The following CHD6 variants were observed in gnomAD, a reference collection of about 807,000 sequenced individuals.
CHD6 encodes chromodomain helicase DNA binding protein 6, also known as ATP-dependent chromatin remodeler CHD6.
A neutral mutation model predicts 276.9 loss-of-function variants in CHD6; 50 were observed. That is an observed-to-expected ratio of 0.18 (90% CI 0.14 to 0.23). CHD6 has a LOEUF of 0.23. Among genes scored for constraint, CHD6 ranks in the 10% least tolerant of loss-of-function variants. The pLI, the probability that CHD6 is intolerant of heterozygous loss-of-function variation, is 1.00. For missense variants in CHD6, 2,564 were observed against 3,365.8 expected (o/e 0.76, Z 5.89); for synonymous variants, 1,173 against 1,229.3 (o/e 0.95, Z 0.96).
At chr20:41,465,038 T>C (rs1207182339) in intron 17 of CHD6, among the ~76,000 whole-genome samples, 1 of 152,176 alleles carries the variant, frequency 6.6e-6, no homozygotes, top group Admixed American at 6.5e-5. Flanking sequence ...AACTTCGTTA[T>C]AATAGAATTC....
At chr20:41,467,567 A>G (rs1487615835) in intron 17 of CHD6, among the ~76,000 whole-genome samples, 1 of 147,862 alleles carries the variant, frequency 6.8e-6, no homozygotes, top group Non-Finnish European at 1.5e-5. Context: ...CAATGAAAAA[A>G]AAAAAAAAAA....
rs4812516 is a variant in CHD6, at chr20:41,487,827, C to T, written c.1858-19G>A. On this transcript the variant is annotated intron_variant, in intron 13 of 36. Coordinates refer to ENST00000373233, the MANE Select transcript of CHD6 (RefSeq NM_032221.5). ...TATGTTCCTGCGCAAATTAAACATA[C>T]ATGATGGACAGTGCTTGAGCCATCA... 0.1 allele frequency: 161,492 copies of T among 1,604,328 alleles called. 17,064 individuals carry two copies. Among genetic ancestry groups the T allele is most frequent in the African/African-American group, 0.51 (37,787 of 74,080 alleles).
rs182268039 is a variant in CHD6 at position 41,518,597 on chromosome 20, C to T, written c.555-3645G>A. On this transcript the variant is annotated intron_variant, in intron 3 of 36. Coordinates refer to ENST00000373233, the MANE Select transcript of CHD6 (RefSeq NM_032221.5). ...TAAAATAGGAAAATACCGGCAGAAA[C>T]GTGCTCCCTTATTTGCAGGTAAAGA... Among the ~76,000 whole-genome samples, 178 of 152,254 alleles carry T rather than the reference C, an allele frequency of 1.2e-3. 1 individual carries two copies. Among genetic ancestry groups the T allele is most frequent in the African/African-American group, 4.2e-3 (174 of 41,552 alleles).
Position 41,489,847 on chromosome 20 carries a change from A to G in CHD6, c.1611T>C (p.Ile537=), listed in dbSNP as rs374894628. Residue 537 remains isoleucine (I), a synonymous_variant, in exon 12 of 37, where the codon ATT becomes ATC. Coordinates refer to ENST00000373233, the MANE Select transcript of CHD6 (RefSeq NM_032221.5). ...TGCTGATCTGGCTGCCGTGGTACAC[A>G]ATGGCATTCATCTCTGTCCATGTCC... ...EFRTWTEMNA[I]VYHGSQISRQ... 24 of 1,613,786 alleles carry G rather than the reference A, an allele frequency of 1.5e-5. No individual in the cohort carries two copies. The highest frequency in any genetic ancestry group is 2.7e-5 in the African/African-American group (2 of 74,860).
chr20:41,481,832 AT>A (rs1175386357), intron 16 of CHD6, among the ~76,000 whole-genome samples: 1 of 151,964 alleles, frequency 6.6e-6, no homozygotes, highest in Non-Finnish European at 1.5e-5. Context: ...AAAGAAAAAA[AT>A]TTCATAATAT....
At chr20:41,561,609 T>C (rs1165066520) in intron 1 of CHD6, among the ~76,000 whole-genome samples, 1 of 152,180 alleles carries the variant, frequency 6.6e-6, no homozygotes, top group African/African-American at 2.4e-5. Context: ...TACACTCTCA[T>C]TTTAGTGAAG....
chr20:41,497,722 T>C (rs1301986528), intron 7 of CHD6: 4 of 546,448 alleles, frequency 7.3e-6, no homozygotes, highest in Non-Finnish European at 1.3e-5. Context: ...CTGCAGCTTC[T>C]AGAGAAACTG....
chr20:41,540,170 C>T (rs956868207), intron 2 of CHD6, among the ~76,000 whole-genome samples: 29 of 152,052 alleles, frequency 1.9e-4, no homozygotes, highest in Admixed American at 1.9e-3. Flanking sequence ...AAGTACCTGG[C>T]TTATGGTATA....
At chr20:41,439,955 G>GTGGCA in intron 26 of CHD6, 45 bp downstream of exon 26, 1 of 1,605,848 alleles carries the variant, frequency 6.2e-7, no homozygotes, top group Non-Finnish European at 8.5e-7. Flanking sequence ...TCACAGATCA[G>GTGGCA]TGGCATGGCA....
At chr20:41,438,756 G>A (rs1213061535) in intron 26 of CHD6, among the ~76,000 whole-genome samples, 4 of 152,064 alleles carry the variant, frequency 2.6e-5, no homozygotes, top group South Asian at 2.1e-4. Context: ...ACATTCAGGC[G>A]CCCATTCAGA....
intron 1 of CHD6, among the ~76,000 whole-genome samples, chr20:41,565,177 A>ACCTCTGCCTCCTAGATTCAAGCAAT (rs1568706117): frequency 6.6e-6 from 1 of 151,782 alleles, no homozygotes; most frequent in Non-Finnish European, 1.5e-5. Flanking sequence ...GCTCACTGCA[A>ACCTCTGCCTCCTAGATTCAAGCAAT]CCTCTGCCTC....
intron 1 of CHD6, among the ~76,000 whole-genome samples, chr20:41,557,118 C>T (rs1215833133): frequency 6.6e-6 from 1 of 152,186 alleles, no homozygotes; most frequent in Non-Finnish European, 1.5e-5. Flanking sequence ...CAGATAACTC[C>T]GTGTGGGCAA....
rs991214617 is a variant in CHD6 at position 41,457,349 on chromosome 20, C to T, written c.2744G>A (p.Arg915His). 1 of 1,614,024 alleles carries T rather than the reference C, an allele frequency of 6.2e-7. No individual in the cohort carries two copies. Among genetic ancestry groups the T allele is most frequent in the African/African-American group, 1.3e-5 (1 of 74,940 alleles). Residue 915 changes from arginine (R) to histidine (H), a missense_variant, in exon 18 of 37, where the codon CGC (arginine) becomes CAC (histidine). Physicochemically the swap from Arg to His is conservative, Grantham distance 29. This residue lies in a region of CHD6 where 457 missense variants were observed against 889.0 expected (regional missense o/e 0.51). Transcript: ENST00000373233. ...YRLITRNSYE[R>H]EMFDKASLKL... ...TAGGCTGGCCTTGTCAAACATCTCG[C>T]GCTCGTAGGAATTTCGAGTGATGAG...
chr20:41,425,944 T>A, intron 28 of CHD6, 149 bp downstream of exon 28: 1 of 687,516 alleles, frequency 1.5e-6, no homozygotes, highest in East Asian at 2.5e-5. Flanking sequence ...GCTCCATGTG[T>A]GACTCTAGGG....
chr20:41,416,007 GA>G (rs1171671222), intron 33 of CHD6, among the ~76,000 whole-genome samples: 3 of 152,204 alleles, frequency 2.0e-5, no homozygotes, highest in Non-Finnish European at 2.9e-5. Flanking sequence ...ACTCCAGACT[GA>G]ATAAGTCAGC....
rs1446977951 is a variant in CHD6 at position 41,437,334 on chromosome 20, T to C, written c.4008A>G (p.Arg1336=). 6.2e-7 allele frequency: 1 copy of C among 1,610,752 alleles called. No homozygotes were observed. The highest frequency in any genetic ancestry group is 1.7e-5 in the Admixed American group (1 of 59,174). ...CATTGTCTTCTTTATCTGTGTTGCC[T>C]CTAAATAAAAGTAAAAAAAGGCATC... ...VTDGTSDIPE[R]GNTDKEDNAE... is the part of the protein sequence containing the mutation. Residue 1336 remains arginine, a splice_region_variant and synonymous_variant, in exon 27 of 37, where the codon AGA becomes AGG. Transcript: ENST00000373233.
chr20:41,563,434 T>C (rs756515313), intron 1 of CHD6, among the ~76,000 whole-genome samples: 1 of 152,212 alleles, frequency 6.6e-6, no homozygotes, highest in East Asian at 1.9e-4. Flanking sequence ...AAGCTTTCTA[T>C]AGTCCAGAAA....
At chr20:41,603,644 T>C (rs1239485590) in intron 1 of CHD6, among the ~76,000 whole-genome samples, 1 of 152,094 alleles carries the variant, frequency 6.6e-6, no homozygotes, top group African/African-American at 2.4e-5. Flanking sequence ...GGCAGGTGGA[T>C]TGCCTGAGCT....
intron 1 of CHD6, among the ~76,000 whole-genome samples, chr20:41,554,819 T>C (rs1326552625): frequency 6.6e-6 from 1 of 152,230 alleles, no homozygotes; most frequent in Non-Finnish European, 1.5e-5. Context: ...TTTCTCAATG[T>C]TTTCCCCACC....
Sources: allele counts gnomAD v4.1 joint callset (sites outside exome capture counted in the v4.1 genomes callset), GRCh38; gene constraint gnomAD v4.1.1; regional missense constraint gnomAD v4.1.1; transcripts MANE v1.5; gene names NCBI Gene and HGNC (gene_info 2026-07-23, HGNC 2026-07-21).